Variants in TEX15 observed in about 807,000 individuals in gnomAD.
TEX15 encodes testis expressed 15, meiosis and synapsis associated, also known as testis-expressed protein 15.
A neutral mutation model predicts 237.3 loss-of-function variants in TEX15; 171 were observed. The ratio of observed to expected loss-of-function variants is 0.72; its 90% CI spans 0.64 to 0.82. The LOEUF is 0.82. Among genes scored for constraint, TEX15 ranks in the 40% least tolerant of loss-of-function variants. The pLI, the probability that TEX15 is intolerant of heterozygous loss-of-function variation, is 0.00. For missense variants in TEX15, 3,750 were observed against 3,646.5 expected, an observed-to-expected ratio of 1.03 and a Z score of -0.73; for synonymous variants, 1,338 against 1,269.8, an observed-to-expected ratio of 1.05 and a Z score of -1.14.
chr8:30,881,362 T>A (rs185535041), intron 3 of TEX15, among the ~76,000 whole-genome samples: 2 of 152,268 alleles, frequency 1.3e-5, no homozygotes, highest in Admixed American at 1.3e-4. Flanking sequence ...AACTTTCCTT[T>A]CTAACCATGA....
intron 2 of TEX15, among the ~76,000 whole-genome samples, chr8:30,894,579 C>A (rs970905698): frequency 2.0e-5 from 3 of 152,144 alleles, no homozygotes; most frequent in African/African-American, 7.2e-5. Flanking sequence ...AAATGATGTT[C>A]CACAAGGGTG....
At chr8:30,912,758 G>A (rs192656440) in intron 1 of TEX15, 121 bp downstream of exon 1, 42 of 152,308 alleles carry the variant, frequency 2.8e-4, no homozygotes, top group African/African-American at 9.4e-4. Context: ...GAAGCTCCGA[G>A]CCAGAAGAGT....
chr8:30,911,022 A>G lies in TEX15; in HGVS notation c.-86+1857T>C, dbSNP rs527808825. 2.6e-5 allele frequency among the ~76,000 whole-genome samples: 4 copies of G among 152,354 alleles called. No individual in the cohort carries two copies. The South Asian group carries it at 8.3e-4, about 32-fold the overall frequency. Reference sequence around the variant, plus strand: ...ACTCTCCCTTTCAAGCAGCGATGATATATTTTGGATGAACCTTAAAATCTT... The same window carrying G: ...ACTCTCCCTTTCAAGCAGCGATGATGTATTTTGGATGAACCTTAAAATCTT... On this transcript the variant is annotated intron_variant, in intron 1 of 10. Transcript: ENST00000643185.
rs144141564 is a variant in TEX15 at position 30,844,636 on chromosome 8, G to A, written c.5531C>T (p.Thr1844Met). 12 of 1,613,120 alleles carry A rather than the reference G, an allele frequency of 7.4e-6. No homozygotes were observed. The highest frequency in any genetic ancestry group is 1.1e-5 in the South Asian group (1 of 91,054). The change falls in exon 8 of 11, where the codon ACG (threonine) becomes ATG (methionine). Residue 1844 changes from threonine to methionine, a missense_variant. By Grantham distance (81) the Thr-to-Met change is moderately conservative. Transcript: ENST00000643185. ...TTTTTCCGCTTGTTTAACTTTCCAC[G>A]TTATTCTGTCCTCAGTGTCTTTCTT... Reference protein sequence around the residue: ...IVKKDTEDRITWKVKQAEKAK... With the variant: ...IVKKDTEDRIMWKVKQAEKAK...
At chr8:30,857,106 G>A (rs539384814) in intron 7 of TEX15, among the ~76,000 whole-genome samples, 1 of 152,324 alleles carries the variant, frequency 6.6e-6, no homozygotes, top group East Asian at 1.9e-4. Flanking sequence ...GCAAAGAGAT[G>A]AATAGAGAGT....
intron 4 of TEX15, among the ~76,000 whole-genome samples, chr8:30,870,410 T>C (rs866195763): frequency 5.9e-5 from 9 of 151,942 alleles, no homozygotes; most frequent in Middle Eastern, 3.2e-3. Flanking sequence ...CTACATATAG[T>C]AGGTAATTTT....
At chr8:30,897,799 T>C (rs1043261567) in intron 2 of TEX15, among the ~76,000 whole-genome samples, 41 of 152,222 alleles carry the variant, frequency 2.7e-4, no homozygotes, top group Non-Finnish European at 4.1e-4. Context: ...TAGCTAGGAT[T>C]GCAAGCACAT....
Position 30,844,634 on chromosome 8 carries a change from A to G in TEX15, c.5533T>C (p.Trp1845Arg). 1.2e-6 allele frequency: 2 copies of G among 1,613,236 alleles called. No homozygotes were observed. Among genetic ancestry groups the G allele is most frequent in the Non-Finnish European group, 1.7e-6 (2 of 1,179,558 alleles). The change falls in exon 8 of 11, where the codon TGG becomes CGG. Residue 1845 changes from tryptophan (W) to arginine (R), a missense_variant. Trp to Arg is a moderately radical substitution (Grantham distance 101). Coordinates refer to ENST00000643185, the MANE Select transcript of TEX15 (RefSeq NM_001350162.2). ...VKKDTEDRIT[W>R]KVKQAEKAKD... is the part of the protein sequence containing the mutation. The stretch of plus-strand genomic sequence containing the variant: ...GCTTTTTCCGCTTGTTTAACTTTCC[A>G]CGTTATTCTGTCCTCAGTGTCTTTC...
At position 30,846,901 on chromosome 8, in the gene TEX15, A is replaced by T. The variant is rs1807629864; in HGVS notation, c.3266T>A (p.Phe1089Tyr). 1.2e-6 allele frequency: 2 copies of T among 1,613,728 alleles called. No individual in the cohort carries two copies. The highest frequency in any genetic ancestry group is 2.7e-5 in the African/African-American group (2 of 74,910). The change falls in exon 8 of 11, where the codon TTT becomes TAT. Residue 1089 changes from phenylalanine (F) to tyrosine (Y), a missense_variant. Physicochemically the swap from Phe to Tyr is conservative, Grantham distance 22. Coordinates refer to ENST00000643185, the MANE Select transcript of TEX15 (RefSeq NM_001350162.2). ...HSHENMLCEE[F>Y]VTSYKALKSR... ...CTTCAGAGCCTTATATGAGGTCACAAATTCTTCACAAAGCATGTTTTCATG... is the reference window on the plus strand; with the variant it reads ...CTTCAGAGCCTTATATGAGGTCACATATTCTTCACAAAGCATGTTTTCATG...
chr8:30,902,323 T>G (rs1809025031), intron 1 of TEX15, among the ~76,000 whole-genome samples: 1 of 151,804 alleles, frequency 6.6e-6, no homozygotes, highest in South Asian at 2.1e-4. Flanking sequence ...ACTTTCAGGC[T>G]TAAAGCTCCT....
At chr8:30,897,887 C>T (rs528358218) in intron 2 of TEX15, among the ~76,000 whole-genome samples, 1 of 152,230 alleles carries the variant, frequency 6.6e-6, no homozygotes, top group South Asian at 2.1e-4. Context: ...TGGTCTCAAA[C>T]TCCTCACCTC....
At chr8:30,887,375 C>A in intron 2 of TEX15, 64 bp from the exon 3 acceptor site, 1 of 1,313,382 alleles carries the variant, frequency 7.6e-7, no homozygotes, top group Non-Finnish European at 9.9e-7. Flanking sequence ...AATGGCAGTA[C>A]AATCATTTAA....
chr8:30,846,544 T>A lies in TEX15; in HGVS notation c.3623A>T (p.Gln1208Leu), dbSNP rs1272555242. The A allele has an allele frequency of 1.9e-6, 3 of 1,613,702 alleles. No individual in the cohort carries two copies. Among genetic ancestry groups the A allele is most frequent in the Non-Finnish European group, 2.5e-6 (3 of 1,179,776 alleles). Residue 1208 changes from glutamine to leucine, a missense_variant, in exon 8 of 11, where the codon CAG becomes CTG. Gln to Leu is a moderately radical substitution (Grantham distance 113, BLOSUM62 -2). Coordinates refer to ENST00000643185, the MANE Select transcript of TEX15 (RefSeq NM_001350162.2). ...ATAATCTGCATTTTCACCAAAAGGC[T>A]GGGAATAAATGTCAAATCCTAGAAT... ...GEILGFDIYS[Q>L]PFGENADYPC...
Position 30,849,220 on chromosome 8 carries a change from T to G in TEX15, c.947A>C (p.Asp316Ala). The G allele has an allele frequency of 6.5e-7, 1 of 1,536,332 alleles. No homozygotes were observed. Reference sequence around the variant, plus strand: ...TAAACAGTTTTCTTGAACAAATGGATCTACAGGTTTCTTGAAATGCACAAA... The same window carrying G: ...TAAACAGTTTTCTTGAACAAATGGAGCTACAGGTTTCTTGAAATGCACAAA... ...VTFVHFKKPVDPFVQENCLCN... is the reference protein window; with the variant it reads ...VTFVHFKKPVAPFVQENCLCN... The change falls in exon 8 of 11, where the codon GAT becomes GCT. Residue 316 changes from aspartate to alanine, a missense_variant. Coordinates refer to ENST00000643185, the MANE Select transcript of TEX15 (RefSeq NM_001350162.2).
rs1366951596 is a variant in TEX15 at position 30,867,641 on chromosome 8, AT to A, written c.303-140del. 15 of 594,754 alleles carry A rather than the reference AT, an allele frequency of 2.5e-5. No homozygotes were observed. The African/African-American group carries it at 2.8e-4, about 11-fold the overall frequency. 36.8% of individuals were successfully genotyped at this position (594,754 alleles called of 1,614,324 possible). A position where few individuals can be genotyped will look rare whatever the true frequency, so the allele number is the denominator to read the frequency against. ...AGGTATTACTACACTGTGATGATAA[AT>A]TTGGTTGAAAATCATCTTAGGAACA... is the stretch of plus-strand genomic sequence containing the variant. On this transcript the variant is annotated intron_variant, in intron 4 of 10. Transcript: ENST00000643185.
rs1563228144 is a variant in TEX15, at chr8:30,837,912, CA to C, written c.8371del (p.Cys2791AlafsTer9). ...TATTTTGCTTTCCGACTTTGATGCG[CA>C]AGTGTCTTTTGGGTTCTCTAAGGGT... is the stretch of plus-strand genomic sequence containing the variant. ...LLPLENPKDT[C>X]ASKSESKIDL... On this transcript the variant is annotated frameshift_variant, in exon 10 of 11. Transcript: ENST00000643185. LOFTEE classifies it high-confidence loss of function. 8.7e-6 allele frequency: 14 copies of C among 1,614,142 alleles called. No homozygotes were observed. Among genetic ancestry groups the C allele is most frequent in the Non-Finnish European group, 1.1e-5 (13 of 1,180,024 alleles).
chr8:30,847,323 G>A lies in TEX15; in HGVS notation c.2844C>T (p.Ala948=), dbSNP rs372841322. 1.4e-5 allele frequency: 22 copies of A among 1,613,626 alleles called. No individual in the cohort carries two copies. The highest frequency in any genetic ancestry group is 1.7e-5 in the Admixed American group (1 of 59,984). The change falls in exon 8 of 11, where the codon GCC becomes GCT. Residue 948 remains alanine (A), a synonymous_variant. Coordinates refer to ENST00000643185, the MANE Select transcript of TEX15 (RefSeq NM_001350162.2). ...LLESEEDTIS[A]VKQKDTENTG... ...TATTTTCAGTATCTTTTTGTTTCAC[G>A]GCACTAATGGTATCTTCTTCACTCT...
At chr8:30,838,502 T>A (rs947320906) in intron 9 of TEX15, among the ~76,000 whole-genome samples, 12 of 151,932 alleles carry the variant, frequency 7.9e-5, no homozygotes, top group African/African-American at 2.9e-4. Context: ...CCCTCTCTGT[T>A]ATAACAGACT....
At chr8:30,878,423 G>A (rs1337663908) in intron 3 of TEX15, among the ~76,000 whole-genome samples, 2 of 151,964 alleles carry the variant, frequency 1.3e-5, no homozygotes, top group African/African-American at 2.4e-5. Context: ...CACTCTTGTT[G>A]CCCAGGCTAG....
Sources: allele counts gnomAD v4.1 joint callset (sites outside exome capture counted in the v4.1 genomes callset), GRCh38; gene constraint gnomAD v4.1.1; transcripts MANE v1.5; gene names NCBI Gene and HGNC (gene_info 2026-07-23, HGNC 2026-07-21).